The following TSEN15 variants were observed in gnomAD, a reference collection of about 807,000 sequenced individuals.
The protein encoded by TSEN15 is tRNA splicing endonuclease subunit 15, also known as tRNA-splicing endonuclease subunit Sen15.
A neutral mutation model predicts 20.5 loss-of-function variants in TSEN15; 10 were observed. The observed-to-expected ratio is 0.49, with a 90% confidence interval of 0.30 to 0.83. The LOEUF (loss-of-function observed/expected upper bound fraction) is 0.83, where lower values mean the gene tolerates loss of function less well. TSEN15 is among the 40% of genes least tolerant of loss of function. TSEN15 has a pLI of 0.06. For missense variants in TSEN15, 180 were observed against 218.6 expected (o/e 0.82, Z 1.11); for synonymous variants, 72 against 80.1 (o/e 0.90, Z 0.54).
chr1:184,062,170 C>T (rs757726524), intron 3 of TSEN15, among the ~76,000 whole-genome samples: 1 of 151,964 alleles, frequency 6.6e-6, no homozygotes, highest in Non-Finnish European at 1.5e-5. Context: ...TCTTGTTTCT[C>T]TCATCTAAAA....
rs76562992 is a variant in TSEN15, at chr1:184,088,943, C to G, written c.354-6747C>G. On this transcript the variant is annotated intron_variant, in intron 3 of 3. Transcript: ENST00000643231. ...GATGCCTTAATGCAAGGGTTGCAAA[C>G]TAAAGTGCCTGCCACAGCCAGGTAG... Among the ~76,000 whole-genome samples, 32 of 152,302 alleles carry G rather than the reference C, an allele frequency of 2.1e-4. No homozygotes were observed. In the East Asian group the frequency reaches 5.8e-3, roughly 28 times the overall value.
chr1:184,085,050 A>G (rs1421408976), intron 3 of TSEN15, among the ~76,000 whole-genome samples: 2 of 152,140 alleles, frequency 1.3e-5, no homozygotes, highest in East Asian at 1.9e-4. Context: ...GCATAGGAAT[A>G]AGATAAACAC....
At chr1:184,060,124 G>A (rs896926861) in intron 3 of TSEN15, among the ~76,000 whole-genome samples, 5 of 152,216 alleles carry the variant, frequency 3.3e-5, no homozygotes, top group South Asian at 2.1e-4. Context: ...GTAAATGAAG[G>A]AATTACAAAT....
intron 3 of TSEN15, among the ~76,000 whole-genome samples, chr1:184,084,347 T>C (rs1423326194): frequency 5.3e-5 from 8 of 151,900 alleles, no homozygotes; most frequent in Non-Finnish European, 1.5e-5. Context: ...AAGAAGGTAG[T>C]CTTAGTCCAT....
chr1:184,060,522 G>A (rs1650414691), intron 3 of TSEN15, among the ~76,000 whole-genome samples: 1 of 152,366 alleles, frequency 6.6e-6, no homozygotes, highest in African/African-American at 2.4e-5. Context: ...TTTAAGCAAG[G>A]AAGTGAGACT....
At chr1:184,077,245 G>T (rs146180506), downstream of TSEN15, among the ~76,000 whole-genome samples, 1 of 152,046 alleles carries the variant, frequency 6.6e-6, no homozygotes, top group African/African-American at 2.4e-5. Context: ...TAAGAATTAC[G>T]CCCAATCTAC....
chr1:184,092,541 G>A (rs1651378621), intron 3 of TSEN15, among the ~76,000 whole-genome samples: 1 of 152,180 alleles, frequency 6.6e-6, no homozygotes, highest in Non-Finnish European at 1.5e-5. Context: ...CAAAAGGACT[G>A]GGGAGCTTGG....
chr1:184,069,456 T>C (rs1435561722), intron 3 of TSEN15, among the ~76,000 whole-genome samples: 1 of 152,142 alleles, frequency 6.6e-6, no homozygotes, highest in Non-Finnish European at 1.5e-5. Context: ...CTTCACAATA[T>C]TTTTCCAAAG....
At chr1:184,077,329 T>C (rs1279972584), downstream of TSEN15, among the ~76,000 whole-genome samples, 1 of 152,186 alleles carries the variant, frequency 6.6e-6, no homozygotes, top group Non-Finnish European at 1.5e-5. Flanking sequence ...GTTTACTGAA[T>C]ATTTTAAGCC....
At chr1:184,089,509 G>A (rs1036289368) in intron 3 of TSEN15, among the ~76,000 whole-genome samples, 1 of 152,106 alleles carries the variant, frequency 6.6e-6, no homozygotes, top group African/African-American at 2.4e-5. Flanking sequence ...CAGATTCAGG[G>A]CCACAGTGTT....
chr1:184,054,836 C>T lies in TSEN15; in HGVS notation c.326C>T (p.Pro109Leu). 6.2e-7 allele frequency: 1 copy of T among 1,611,286 alleles called. No homozygotes were observed. The highest frequency in any genetic ancestry group is 8.5e-7 in the Non-Finnish European group (1 of 1,178,720). Residue 109 changes from proline (P) to leucine (L), a missense_variant, in exon 3 of 5, where the codon CCC becomes CTC. By Grantham distance (98) the Pro-to-Leu change is moderately conservative. Coordinates refer to ENST00000645668, the MANE Select transcript of TSEN15 (RefSeq NM_052965.4). ...GEGLQTVVPT[P>L]ITASLSHNRI... ...GGGTTACAGACTGTGGTGCCTACCC[C>T]CATCACTGCTTCCCTCAGCCATAAC...
intron 3 of TSEN15, chr1:184,094,895 ACT>A (rs989936323): frequency 1.5e-5 from 6 of 396,420 alleles, no homozygotes; most frequent in African/African-American, 1.2e-4. Flanking sequence ...GAACTGGGGT[ACT>A]AGCTCCCAGG....
chr1:184,072,423 A>G, intron 4 of TSEN15, 125 bp downstream of exon 4: 1 of 940,042 alleles, frequency 1.1e-6, no homozygotes, highest in Admixed American at 3.6e-5. Context: ...TTCAAGAAAA[A>G]AAGTCTTGAT....
intron 3 of TSEN15, among the ~76,000 whole-genome samples, chr1:184,068,781 A>G (rs1476812162): frequency 6.6e-6 from 1 of 152,192 alleles, no homozygotes; most frequent in African/African-American, 2.4e-5. Context: ...ATGGCATGTC[A>G]TTCCATTATA....
intron 3 of TSEN15, among the ~76,000 whole-genome samples, chr1:184,062,540 C>G (rs920523508): frequency 1.4e-4 from 22 of 152,192 alleles, no homozygotes; most frequent in African/African-American, 5.3e-4. Flanking sequence ...TTTGGACCAC[C>G]TTGGGTCCAT....
chr1:184,078,330 AAGTTTT>A (rs1651102740), downstream of TSEN15, among the ~76,000 whole-genome samples: 1 of 152,186 alleles, frequency 6.6e-6, no homozygotes. Flanking sequence ...GTGTAAATGC[AAGTTTT>A]ATAGGCACTA....
chr1:184,093,093 T>C (rs1009824398), intron 3 of TSEN15, among the ~76,000 whole-genome samples: 2 of 152,244 alleles, frequency 1.3e-5, no homozygotes, highest in Non-Finnish European at 2.9e-5. Context: ...GATAAAATTT[T>C]CTTTCCGATC....
At chr1:184,056,097 C>G (rs1650242105) in intron 3 of TSEN15, among the ~76,000 whole-genome samples, 1 of 152,048 alleles carries the variant, frequency 6.6e-6, no homozygotes, top group Non-Finnish European at 1.5e-5. Flanking sequence ...ATTATACCAC[C>G]ATTTTTACAT....
downstream of TSEN15, among the ~76,000 whole-genome samples, chr1:184,076,826 C>T (rs184691417): frequency 4.2e-3 from 637 of 152,194 alleles, 5 homozygotes; most frequent in Non-Finnish European, 6.6e-3. Flanking sequence ...AGAGCAAGGC[C>T]CTAACTCTCT....
Sources: allele counts gnomAD v4.1 joint callset (sites outside exome capture counted in the v4.1 genomes callset), GRCh38; gene constraint gnomAD v4.1.1; transcripts MANE v1.5; gene names NCBI Gene and HGNC (gene_info 2026-07-23, HGNC 2026-07-21).